CNTN5: variants seen among roughly 807,000 people sequenced by gnomAD.
The protein encoded by CNTN5 is contactin 5.
A neutral mutation model predicts 129.1 loss-of-function variants in CNTN5; 77 were observed. The ratio of observed to expected loss-of-function variants is 0.60; its 90% CI spans 0.50 to 0.72. CNTN5 has a LOEUF of 0.72. Among genes scored for constraint, CNTN5 ranks in the 30% least tolerant of loss-of-function variants. CNTN5 has a pLI of 0.00. For missense variants in CNTN5, 1,478 were observed against 1,328.8 expected, an observed-to-expected ratio of 1.11 and a Z score of -1.75; for synonymous variants, 509 against 465.6, an observed-to-expected ratio of 1.09 and a Z score of -1.20.
chr11:99,271,502 C>T (rs1226086206), intron 1 of CNTN5, among the ~76,000 whole-genome samples: 4 of 151,750 alleles, frequency 2.6e-5, no homozygotes, highest in Non-Finnish European at 5.9e-5. Flanking sequence ...TTATTTATTG[C>T]TACATAACAA....
intron 3 of CNTN5, among the ~76,000 whole-genome samples, chr11:99,740,149 C>A (rs922272313): frequency 2.0e-5 from 3 of 151,982 alleles, no homozygotes; most frequent in African/African-American, 7.2e-5. Flanking sequence ...TTTCAAATAA[C>A]CAAAAGAAAA....
chr11:99,062,095 A>G (rs151016502), intron 1 of CNTN5, among the ~76,000 whole-genome samples: 243 of 152,292 alleles, frequency 1.6e-3, no homozygotes, highest in African/African-American at 5.4e-3. Flanking sequence ...AGGAAGTTGT[A>G]GTGGAGTTAT....
In CNTN5 at chr11:99,815,002, T is replaced by C. The variant is rs548542415; in HGVS notation, c.56-4542T>C. Reference sequence around the variant, plus strand: ...CAAACACTTATAAAACCATCAGCTCTCATGAGAACTCACTATCACAAGAAC... The same window carrying C: ...CAAACACTTATAAAACCATCAGCTCCCATGAGAACTCACTATCACAAGAAC... On this transcript the variant is annotated intron_variant, in intron 3 of 24. Coordinates refer to ENST00000524871, the MANE Select transcript of CNTN5 (RefSeq NM_014361.4). 1.1e-3 allele frequency among the ~76,000 whole-genome samples: 160 copies of C among 152,012 alleles called. 1 individual carries two copies. The highest frequency in any genetic ancestry group is 1.9e-3 in the Non-Finnish European group (126 of 67,944).
At chr11:100,247,932 T>G (rs762835027) in intron 16 of CNTN5, among the ~76,000 whole-genome samples, 4 of 152,130 alleles carry the variant, frequency 2.6e-5, no homozygotes, top group Admixed American at 6.6e-5. Flanking sequence ...GCCTGAGTTT[T>G]TCAATTTATC....
rs984119495 is a variant in CNTN5 at position 100,340,787 on chromosome 11, G to C, written c.2917+138G>C. ...TAGTCTTGCTTCAGTGCTTAGATCT[G>C]AATCCTCAAACTAGCTCAGAAAATT... On this transcript the variant is annotated intron_variant, in intron 22 of 24. Transcript: ENST00000524871. 3.2e-5 allele frequency: 25 copies of C among 789,218 alleles called. No homozygotes were observed. In the African/African-American group the frequency reaches 4.4e-4, roughly 14 times the overall value. 48.9% of individuals were successfully genotyped at this position (789,218 alleles called of 1,614,324 possible).
chr11:99,416,024 G>C (rs1280933288), intron 2 of CNTN5, among the ~76,000 whole-genome samples: 1 of 152,182 alleles, frequency 6.6e-6, no homozygotes, highest in Non-Finnish European at 1.5e-5. Flanking sequence ...TAGTCAGCTT[G>C]TACCTGATTT....
intron 18 of CNTN5, among the ~76,000 whole-genome samples, chr11:100,275,095 C>T (rs1425426711): frequency 1.9e-5 from 1 of 52,178 alleles, no homozygotes; most frequent in Non-Finnish European, 5.0e-5. Context: ...AATTAAACAA[C>T]CAAAAAAAAA....
At chr11:99,676,713 TTAAAGTA>T (rs1317242068) in intron 3 of CNTN5, among the ~76,000 whole-genome samples, 1 of 152,046 alleles carries the variant, frequency 6.6e-6, no homozygotes, top group Non-Finnish European at 1.5e-5. Context: ...ACCCTAGAAC[TTAAAGTA>T]TAATTAAAAA....
At chr11:99,219,781 G>T (rs1860309502) in intron 1 of CNTN5, among the ~76,000 whole-genome samples, 1 of 151,898 alleles carries the variant, frequency 6.6e-6, no homozygotes, top group South Asian at 2.1e-4. Context: ...GAGGGTATGG[G>T]GAAAGGATAG....
chr11:99,521,467 TA>T (rs995718865), intron 2 of CNTN5, among the ~76,000 whole-genome samples: 3 of 152,230 alleles, frequency 2.0e-5, no homozygotes, highest in Non-Finnish European at 4.4e-5. Context: ...TGACTTATTT[TA>T]ATTGTATTTA....
At chr11:100,231,886 G>A (rs1037426049) in intron 16 of CNTN5, among the ~76,000 whole-genome samples, 1 of 152,186 alleles carries the variant, frequency 6.6e-6, no homozygotes, top group Admixed American at 6.5e-5. Flanking sequence ...CAGGCACAGT[G>A]GCTCACACCT....
chr11:99,367,161 A>T (rs1443228100), intron 2 of CNTN5, among the ~76,000 whole-genome samples: 1 of 152,184 alleles, frequency 6.6e-6, no homozygotes, highest in Non-Finnish European at 1.5e-5. Context: ...TGAGGAGACA[A>T]ATAACCAATA....
intron 7 of CNTN5, among the ~76,000 whole-genome samples, chr11:99,922,298 C>G (rs545616643): frequency 1.3e-5 from 2 of 152,302 alleles, no homozygotes; most frequent in Admixed American, 6.5e-5. Context: ...TCAGTTACCT[C>G]TCACTGGATC....
chr11:99,524,826 A>G (rs1357108866), intron 2 of CNTN5, among the ~76,000 whole-genome samples: 1 of 152,086 alleles, frequency 6.6e-6, no homozygotes, highest in African/African-American at 2.4e-5. Context: ...AAAAAAGTGT[A>G]TTTATATGTA....
chr11:99,882,222 T>G (rs1948789303), intron 6 of CNTN5, among the ~76,000 whole-genome samples: 3 of 152,162 alleles, frequency 2.0e-5, no homozygotes, highest in African/African-American at 7.2e-5. Flanking sequence ...ATATATGAGT[T>G]TTCATCAGTA....
rs773798474 is a variant in CNTN5, at chr11:99,936,353, C to T, written c.673+20204C>T. Reference sequence around the variant, plus strand: ...CGTTTAGTAAAGTTCTAAAACTATACAATTTTCTCTTTCTTTCCTTCAGAC... The same window carrying T: ...CGTTTAGTAAAGTTCTAAAACTATATAATTTTCTCTTTCTTTCCTTCAGAC... On this transcript the variant is annotated intron_variant, in intron 7 of 24. Transcript: ENST00000524871. Among the ~76,000 whole-genome samples the T allele has an allele frequency of 1.2e-4, 18 of 152,180 alleles. 1 individual carries two copies. The highest frequency in any genetic ancestry group is 2.2e-4 in the Non-Finnish European group (15 of 68,032).
intron 1 of CNTN5, among the ~76,000 whole-genome samples, chr11:99,098,318 C>A (rs1318100451): frequency 2.0e-5 from 3 of 151,992 alleles, no homozygotes; most frequent in Non-Finnish European, 4.4e-5. Context: ...AGGTATTAAC[C>A]TTGAGAAGCG....
At chr11:99,408,134 T>G (rs1942174778) in intron 2 of CNTN5, among the ~76,000 whole-genome samples, 1 of 152,062 alleles carries the variant, frequency 6.6e-6, no homozygotes, top group Admixed American at 6.6e-5. Flanking sequence ...TGTTGGACCC[T>G]TCTATTCCAC....
intron 3 of CNTN5, among the ~76,000 whole-genome samples, chr11:99,755,532 A>G (rs951246021): frequency 1.3e-5 from 2 of 151,942 alleles, no homozygotes; most frequent in Non-Finnish European, 2.9e-5. Context: ...TTTTTAGTGA[A>G]TTCTTTTGAG....
Sources: gnomAD v4.1 joint callset for allele counts (sites outside exome capture counted in the v4.1 genomes callset) on GRCh38, gnomAD v4.1.1 for gene constraint, MANE v1.5 for transcripts, NCBI Gene and HGNC (gene_info 2026-07-23, HGNC 2026-07-21) for gene names.